GRID1: variants seen among roughly 807,000 people sequenced by gnomAD.
The protein encoded by GRID1 is glutamate ionotropic receptor delta type subunit 1.
GRID1 carries 28 observed loss-of-function variants against 98.0 expected under a neutral mutation model. The observed-to-expected ratio is 0.29, with a 90% CI of 0.21 to 0.39. The LOEUF is 0.39. Ranked by LOEUF, GRID1 falls within the 10% of genes least tolerant of loss-of-function variation. The pLI, the probability that GRID1 is intolerant of heterozygous loss-of-function variation, is 1.00. For missense variants in GRID1, 1,111 were observed against 1,340.5 expected (o/e 0.83, Z 2.67); for synonymous variants, 553 against 538.5 (o/e 1.03, Z -0.37).
At chr10:86,256,812 TGCCCCTTG>T (rs2132052574) in intron 2 of GRID1, among the ~76,000 whole-genome samples, 1 of 152,300 alleles carries the variant, frequency 6.6e-6, no homozygotes, top group East Asian at 1.9e-4. Context: ...TGGGCTCCCT[TGCCCCTTG>T]GCTTCTACCT....
intron 4 of GRID1, among the ~76,000 whole-genome samples, chr10:86,130,817 A>G (rs548615278): frequency 2.0e-5 from 3 of 152,322 alleles, no homozygotes; most frequent in South Asian, 2.1e-4. Context: ...GGCAGGAGCT[A>G]AAAGAGCACT....
Position 86,224,339 on chromosome 10 carries a change from A to G in GRID1, c.236-17691T>C, listed in dbSNP as rs569401968. On this transcript the variant is annotated intron_variant, in intron 2 of 15. Coordinates refer to ENST00000327946, the MANE Select transcript of GRID1 (RefSeq NM_017551.3). ...GGTAAGCCTCCTCCTCCCCCAGTAC[A>G]TTCTTGAAAGGTGGCCCACACTCCA... Among the ~76,000 whole-genome samples the G allele has an allele frequency of 2.0e-5, 3 of 152,242 alleles. No individual in the cohort carries two copies. In the East Asian group the frequency reaches 5.8e-4, roughly 29 times the overall value.
chr10:85,951,330 G>C (rs1376941958), intron 4 of GRID1, among the ~76,000 whole-genome samples: 1 of 152,206 alleles, frequency 6.6e-6, no homozygotes, highest in Non-Finnish European at 1.5e-5. Context: ...AGCAGCACCA[G>C]TGTGCAGAGG....
intron 4 of GRID1, chr10:86,052,610 G>T (rs954428409): frequency 6.6e-6 from 1 of 152,004 alleles, no homozygotes; most frequent in African/African-American, 2.4e-5. Flanking sequence ...TAAAAAAAAT[G>T]AGATAACTAA....
intron 8 of GRID1, among the ~76,000 whole-genome samples, chr10:85,827,961 A>G (rs1842834422): frequency 6.6e-6 from 1 of 152,196 alleles, no homozygotes; most frequent in Non-Finnish European, 1.5e-5. Flanking sequence ...AGAAATCTCC[A>G]TTCAAAAACA....
chr10:85,924,031 A>G (rs1589300387), intron 4 of GRID1, among the ~76,000 whole-genome samples: 1 of 152,302 alleles, frequency 6.6e-6, no homozygotes, highest in Non-Finnish European at 1.5e-5. Flanking sequence ...TGGAGGCCAA[A>G]GCCTGGTCTA....
chr10:86,231,798 T>C (rs1846457536), intron 2 of GRID1, among the ~76,000 whole-genome samples: 1 of 152,216 alleles, frequency 6.6e-6, no homozygotes, highest in Admixed American at 6.5e-5. Context: ...ACGCAGTGTC[T>C]TCAGTTACTC....
At chr10:85,939,127 T>C (rs1219866248) in intron 4 of GRID1, among the ~76,000 whole-genome samples, 1 of 152,106 alleles carries the variant, frequency 6.6e-6, no homozygotes, top group Non-Finnish European at 1.5e-5. Context: ...TAGGACAGCC[T>C]CTCTGCCAGC....
intron 8 of GRID1, among the ~76,000 whole-genome samples, chr10:85,832,785 G>T (rs1469939346): frequency 6.6e-6 from 1 of 152,080 alleles, no homozygotes; most frequent in Non-Finnish European, 1.5e-5. Context: ...AGCAACAGAA[G>T]ATGGTCCGGG....
chr10:85,865,971 A>ATATATATATATATATACATATATATG (rs1564613351), intron 6 of GRID1, among the ~76,000 whole-genome samples: 1 of 107,698 alleles, frequency 9.3e-6, no homozygotes, highest in Non-Finnish European at 2.1e-5. Context: ...AGAGAGAGAG[A>ATATATATATATATATACATATATATG]GAGAGAGAGA....
chr10:86,124,799 G>C (rs191680702), intron 4 of GRID1, among the ~76,000 whole-genome samples: 1 of 152,244 alleles, frequency 6.6e-6, no homozygotes, highest in African/African-American at 2.4e-5. Context: ...ACCCAGAAAG[G>C]CAAGACAGTG....
chr10:85,701,286 T>C (rs1286011770), intron 12 of GRID1, among the ~76,000 whole-genome samples: 1 of 152,138 alleles, frequency 6.6e-6, no homozygotes, highest in Non-Finnish European at 1.5e-5. Flanking sequence ...TCCTCACAGC[T>C]CTGCTGGGTA....
Position 86,177,306 on chromosome 10 carries a change from G to A in GRID1, c.520+29058C>T, listed in dbSNP as rs539199600. Among the ~76,000 whole-genome samples the A allele has an allele frequency of 3.3e-5, 5 of 152,302 alleles. No homozygotes were observed. The South Asian group carries it at 1.0e-3, about 32-fold the overall frequency. On this transcript the variant is annotated intron_variant, in intron 3 of 15. Transcript: ENST00000327946. ...ACTCCCTCCAATTACGGCTGCTTCT[G>A]AGCCACCCCGTGGGAAAACCCTGCT... is the stretch of plus-strand genomic sequence containing the variant.
At chr10:86,002,857 C>T (rs73342115) in intron 4 of GRID1, among the ~76,000 whole-genome samples, 1 of 152,142 alleles carries the variant, frequency 6.6e-6, no homozygotes. Flanking sequence ...TATGTCCACA[C>T]CTCATGTATT....
intron 2 of GRID1, among the ~76,000 whole-genome samples, chr10:86,330,446 G>A (rs1042443115): frequency 6.6e-6 from 1 of 152,258 alleles, no homozygotes; most frequent in South Asian, 2.1e-4. Context: ...CCTCCAGCAA[G>A]CCCACCCACA....
chr10:86,018,172 C>T (rs1843003154), intron 4 of GRID1, among the ~76,000 whole-genome samples: 1 of 152,252 alleles, frequency 6.6e-6, no homozygotes, highest in South Asian at 2.1e-4. Context: ...GAGGGGTGAT[C>T]CGGCCCTGGG....
intron 12 of GRID1, among the ~76,000 whole-genome samples, chr10:85,688,881 A>T (rs1304800737): frequency 6.6e-6 from 1 of 152,180 alleles, no homozygotes; most frequent in African/African-American, 2.4e-5. Context: ...GACACTGCTC[A>T]GGAACCACAG....
intron 2 of GRID1, among the ~76,000 whole-genome samples, chr10:86,253,702 T>C (rs1461175976): frequency 6.6e-6 from 1 of 152,130 alleles, no homozygotes; most frequent in Non-Finnish European, 1.5e-5. Flanking sequence ...ACGAGGGAAC[T>C]TGGGAGCTGG....
chr10:86,040,381 TA>T (rs1843329024), intron 4 of GRID1, among the ~76,000 whole-genome samples: 1 of 151,878 alleles, frequency 6.6e-6, no homozygotes, highest in Non-Finnish European at 1.5e-5. Context: ...GTGTTATACA[TA>T]AAACAGAATA....
Sources: gnomAD v4.1 joint callset for allele counts (sites outside exome capture counted in the v4.1 genomes callset) on GRCh38, gnomAD v4.1.1 for gene constraint, MANE v1.5 for transcripts, NCBI Gene and HGNC (gene_info 2026-07-23, HGNC 2026-07-21) for gene names.